PDS5B: variants seen among roughly 807,000 people sequenced by gnomAD.
PDS5B encodes sister chromatid cohesion protein PDS5 homolog B.
A neutral mutation model predicts 184.1 loss-of-function variants in PDS5B; 51 were observed. That is an observed-to-expected ratio of 0.28 (90% CI 0.22 to 0.35). The LOEUF (loss-of-function observed/expected upper bound fraction) is 0.35, where lower values mean the gene tolerates loss of function less well. PDS5B is among the 10% of genes least tolerant of loss of function. PDS5B has a pLI of 1.00. For missense variants in PDS5B, 1,180 were observed against 1,723.3 expected, an observed-to-expected ratio of 0.68 and a Z score of 5.58; for synonymous variants, 566 against 569.2, an observed-to-expected ratio of 0.99 and a Z score of 0.08.
intron 19 of PDS5B, among the ~76,000 whole-genome samples, chr13:32,715,305 C>G (rs1323475939): frequency 6.6e-6 from 1 of 152,184 alleles, no homozygotes; most frequent in African/African-American, 2.4e-5. Flanking sequence ...GTATACAGGA[C>G]TCAGTAAATG....
intron 1 of PDS5B, among the ~76,000 whole-genome samples, chr13:32,640,248 T>G (rs1267876066): frequency 6.7e-6 from 1 of 149,432 alleles, no homozygotes; most frequent in African/African-American, 2.6e-5. Context: ...GAATATTTTC[T>G]TTTCTTTTTT....
At chr13:32,620,092 C>T (rs534654595) in intron 1 of PDS5B, among the ~76,000 whole-genome samples, 73 of 152,090 alleles carry the variant, frequency 4.8e-4, no homozygotes, top group Non-Finnish European at 9.8e-4. Flanking sequence ...AGCCAATGCA[C>T]CCGGCCCTGG....
intron 1 of PDS5B, among the ~76,000 whole-genome samples, chr13:32,603,676 T>A (rs1305048340): frequency 2.0e-5 from 3 of 152,226 alleles, no homozygotes; most frequent in African/African-American, 7.2e-5. Context: ...AATCTATAAA[T>A]TACCTTGGGC....
At chr13:32,633,725 A>T (rs946744316) in intron 1 of PDS5B, among the ~76,000 whole-genome samples, 10 of 152,080 alleles carry the variant, frequency 6.6e-5, no homozygotes, top group Non-Finnish European at 8.8e-5. Flanking sequence ...CCCCCAGTTT[A>T]CTCATTATTA....
intron 1 of PDS5B, among the ~76,000 whole-genome samples, chr13:32,618,728 T>C (rs138233678): frequency 6.6e-6 from 1 of 152,218 alleles, no homozygotes; most frequent in East Asian, 1.9e-4. Context: ...TATATTTACT[T>C]TTGTTTAAGA....
chr13:32,715,904 G>A (rs1385011669), intron 19 of PDS5B, among the ~76,000 whole-genome samples: 1 of 152,230 alleles, frequency 6.6e-6, no homozygotes, highest in Non-Finnish European at 1.5e-5. Context: ...CGAGTGATCC[G>A]CCAGCCTCGG....
chr13:32,658,944 A>AG (rs1477701524), intron 5 of PDS5B, among the ~76,000 whole-genome samples: 1 of 152,136 alleles, frequency 6.6e-6, no homozygotes, highest in Non-Finnish European at 1.5e-5. Context: ...GTTAAAAATT[A>AG]GGGAAAAATC....
At chr13:32,677,957 C>T (rs1951116814) in intron 9 of PDS5B, among the ~76,000 whole-genome samples, 1 of 151,858 alleles carries the variant, frequency 6.6e-6, no homozygotes, top group Non-Finnish European at 1.5e-5. Context: ...AGCTAAACAT[C>T]ATGTGCTTCC....
chr13:32,670,470 C>T (rs1950906897), intron 7 of PDS5B, among the ~76,000 whole-genome samples: 3 of 152,240 alleles, frequency 2.0e-5, no homozygotes, highest in African/African-American at 4.8e-5. Context: ...TCAAGCAGTC[C>T]GCCTGCCTTG....
chr13:32,768,947 C>CAAAAAA (rs770324221), intron 31 of PDS5B, among the ~76,000 whole-genome samples: 2 of 84,534 alleles, frequency 2.4e-5, no homozygotes, highest in African/African-American at 8.7e-5. Context: ...TAAAAAAATA[C>CAAAAAA]AAAAAAAAAA....
At chr13:32,652,031 C>G in intron 3 of PDS5B, 24 bp downstream of exon 3, 1 of 1,417,912 alleles carries the variant, frequency 7.1e-7, no homozygotes, top group Non-Finnish European at 1.0e-6. Context: ...TAAATAACTC[C>G]AAGATTGACC....
chr13:32,699,447 C>T (rs1003263137), intron 15 of PDS5B, among the ~76,000 whole-genome samples: 2 of 152,172 alleles, frequency 1.3e-5, no homozygotes, highest in Non-Finnish European at 2.9e-5. Flanking sequence ...TTCAGGTTGA[C>T]ATTTGATGCC....
At chr13:32,765,851 C>T (rs1302192710) in intron 31 of PDS5B, among the ~76,000 whole-genome samples, 1 of 152,244 alleles carries the variant, frequency 6.6e-6, no homozygotes, top group African/African-American at 2.4e-5. Flanking sequence ...ATCTGCCTGC[C>T]TTGGCCTCCC....
rs1954756257 is a variant in PDS5B at position 32,770,732 on chromosome 13, G to A, written c.4143G>A (p.Thr1381=). Residue 1381 remains threonine (T), a synonymous_variant, in exon 33 of 35, where the codon ACG becomes ACA. Transcript: ENST00000315596. ...AAGGACGAGGAAGACCATCAAAAAC[G>A]CCATCACCATCACAACCAAAAAAAA... The part of the protein sequence containing the change: ...PQKGRGRPSK[T]PSPSQPKKNV... The A allele has an allele frequency of 6.8e-6, 11 of 1,608,552 alleles. No individual in the cohort carries two copies. The highest frequency in any genetic ancestry group is 8.5e-6 in the Non-Finnish European group (10 of 1,177,346).
At position 32,676,904 on chromosome 13, in the gene PDS5B, C is replaced by T. The variant is rs867123894; in HGVS notation, c.962+945C>T. 3.6e-5 allele frequency among the ~76,000 whole-genome samples: 5 copies of T among 137,412 alleles called. No homozygotes were observed. In the South Asian group the frequency reaches 1.2e-3, roughly 32 times the overall value. 90.1% of individuals were successfully genotyped at this position (137,412 alleles called of 152,430 possible). On this transcript the variant is annotated intron_variant, in intron 9 of 34. Coordinates refer to ENST00000315596, the MANE Select transcript of PDS5B (RefSeq NM_015032.4). ...TGAGATGGCACCACTGCATTCCAGC[C>T]TGGGCGACAGAGCGAGACTCTTGTC...
At position 32,606,633 on chromosome 13, in the gene PDS5B, G is replaced by T. The variant is rs1483266738; in HGVS notation, c.-20+20040G>T. Among the ~76,000 whole-genome samples the T allele has an allele frequency of 5.9e-5, 9 of 152,298 alleles. No individual in the cohort carries two copies. In the East Asian group the frequency reaches 1.7e-3, roughly 29 times the overall value. ...TGGCCTGCCTCGCTAGGTTGGGGAA[G>T]TTCTCCTGGATAATATCCTGAAGAG... On this transcript the variant is annotated intron_variant, in intron 1 of 34. Transcript: ENST00000315596.
chr13:32,685,686 C>T (rs1020618355), intron 11 of PDS5B, among the ~76,000 whole-genome samples: 1 of 152,114 alleles, frequency 6.6e-6, no homozygotes, highest in Non-Finnish European at 1.5e-5. Context: ...CCCTTTGTCA[C>T]CCAGGCTGGA....
In PDS5B at chr13:32,759,659, C is replaced by G; in HGVS notation, c.3341C>G (p.Pro1114Arg). Reference sequence around the variant, plus strand: ...AGTAACACCAAAAATTATCTGCCTCCTGAAATGAAATCATTTTTCACTCCT... The same window carrying G: ...AGTAACACCAAAAATTATCTGCCTCGTGAAATGAAATCATTTTTCACTCCT... ...NFSNTKNYLPPEMKSFFTPGK... is the reference protein window; with the variant it reads ...NFSNTKNYLPREMKSFFTPGK... Residue 1114 changes from proline (P) to arginine (R), a missense_variant, in exon 29 of 35, where the codon CCT becomes CGT. Physicochemically the swap from Pro to Arg is moderately radical, Grantham distance 103. This residue lies in a region of PDS5B where 465 missense variants were observed against 497.8 expected (regional missense o/e 0.93). Coordinates refer to ENST00000315596, the MANE Select transcript of PDS5B (RefSeq NM_015032.4). 1 of 1,563,754 alleles carries G rather than the reference C, an allele frequency of 6.4e-7. No homozygotes were observed. The highest frequency in any genetic ancestry group is 1.2e-5 in the South Asian group (1 of 83,986).
intron 26 of PDS5B, among the ~76,000 whole-genome samples, chr13:32,757,339 C>G (rs9591311): frequency 0.38 from 57,146 of 151,940 alleles, 11,416 homozygotes; most frequent in Non-Finnish European, 0.45. Flanking sequence ...GGAGCCACTT[C>G]AGAAGAACTT....
Sources: allele counts gnomAD v4.1 joint callset (sites outside exome capture counted in the v4.1 genomes callset), GRCh38; gene constraint gnomAD v4.1.1; regional missense constraint gnomAD v4.1.1; transcripts MANE v1.5; gene names NCBI Gene and HGNC (gene_info 2026-07-23, HGNC 2026-07-21).